XPR1: variants seen among roughly 807,000 people sequenced by gnomAD.
The protein encoded by XPR1 is solute carrier family 53 member 1.
XPR1 carries 28 observed loss-of-function variants against 87.5 expected under a neutral mutation model. The ratio of observed to expected loss-of-function variants is 0.32; its 90% CI spans 0.24 to 0.44. The LOEUF (loss-of-function observed/expected upper bound fraction) is 0.44, where lower values mean the gene tolerates loss of function less well. Among genes scored for constraint, XPR1 ranks in the 20% least tolerant of loss-of-function variants. XPR1 has a pLI of 1.00. For synonymous variants in XPR1, 300 were observed against 306.1 expected (o/e 0.98, Z 0.21); for missense variants, 559 against 862.3 (o/e 0.65, Z 4.41).
Position 180,832,172 on chromosome 1 carries a change from G to A in XPR1, c.1135-2702G>A, listed in dbSNP as rs149259023. On this transcript the variant is annotated intron_variant, in intron 9 of 14. Coordinates refer to ENST00000367590, the MANE Select transcript of XPR1 (RefSeq NM_004736.4). ...TAATGATGAGCATTCTTTCATAAGT[G>A]TGTTGGCTGCATAAATGTCTTCTTT... Among the ~76,000 whole-genome samples the A allele has an allele frequency of 5.8e-3, 888 of 152,268 alleles. 11 individuals carry two copies. Among genetic ancestry groups the A allele is most frequent in the African/African-American group, 0.02 (839 of 41,554 alleles).
At chr1:180,727,989 A>G (rs1371756603) in intron 2 of XPR1, among the ~76,000 whole-genome samples, 1 of 151,902 alleles carries the variant, frequency 6.6e-6, no homozygotes, top group Non-Finnish European at 1.5e-5. Context: ...TCTTGTGTCA[A>G]CCTCCTATCT....
chr1:180,655,841 A>G (rs770773973), intron 1 of XPR1, among the ~76,000 whole-genome samples: 1 of 151,904 alleles, frequency 6.6e-6, no homozygotes, highest in Non-Finnish European at 1.5e-5. Context: ...GTGGATGCAT[A>G]GTAGGTGTAT....
intron 2 of XPR1, among the ~76,000 whole-genome samples, chr1:180,697,313 A>G (rs1329114853): frequency 6.6e-6 from 1 of 152,032 alleles, no homozygotes; most frequent in Non-Finnish European, 1.5e-5. Flanking sequence ...GATCAGTTAT[A>G]GTGTCTCCTT....
rs574824718 is a variant in XPR1, at chr1:180,643,959, C to T, written c.69+11689C>T. On this transcript the variant is annotated intron_variant, in intron 1 of 14. Transcript: ENST00000367590. ...TTTACTCTGATGAATTCGGTGTGGC[C>T]CAGGTTCTCATCAGAATTTGGTCTT... Among the ~76,000 whole-genome samples, 19 of 151,994 alleles carry T rather than the reference C, an allele frequency of 1.3e-4. 1 individual carries two copies. Among genetic ancestry groups the T allele is most frequent in the Middle Eastern group, 3.4e-3 (1 of 294 alleles).
At chr1:180,811,663 G>A (rs565857374) in intron 7 of XPR1, among the ~76,000 whole-genome samples, 175 bp downstream of exon 7, 7 of 152,028 alleles carry the variant, frequency 4.6e-5, no homozygotes, top group Middle Eastern at 3.4e-3. Context: ...TTTTGTTGGC[G>A]TTTTTTCCCC....
chr1:180,775,256 G>A (rs1326364371), intron 2 of XPR1, among the ~76,000 whole-genome samples: 1 of 151,988 alleles, frequency 6.6e-6, no homozygotes, highest in Non-Finnish European at 1.5e-5. Context: ...GACTCTTATG[G>A]TTCATTGTTT....
In XPR1 at chr1:180,803,561, C is replaced by T. The variant is rs1649873220; in HGVS notation, c.397C>T (p.Leu133=). 6.2e-7 allele frequency: 1 copy of T among 1,613,322 alleles called. No homozygotes were observed. The highest frequency in any genetic ancestry group is 8.5e-7 in the Non-Finnish European group (1 of 1,179,968). ...VQHRNIKDLK[L]AFSEFYLSLI... ...ACATAGAAATATTAAAGACCTTAAA[C>T]TGGCCTTCAGTGAGTTCTACCTCAG... The change falls in exon 4 of 15, where the codon CTG becomes TTG. Residue 133 remains leucine (L), a synonymous_variant. Transcript: ENST00000367590.
chr1:180,858,515 G>GAGAA (rs1199818101), intron 11 of XPR1, among the ~76,000 whole-genome samples: 1 of 152,186 alleles, frequency 6.6e-6, no homozygotes, highest in Non-Finnish European at 1.5e-5. Flanking sequence ...GATGGACTTA[G>GAGAA]AGAAGCAATG....
chr1:180,842,634 C>G (rs1477925198), intron 11 of XPR1, among the ~76,000 whole-genome samples: 2 of 152,078 alleles, frequency 1.3e-5, no homozygotes, highest in African/African-American at 4.8e-5. Flanking sequence ...GGAGGAGGCA[C>G]AAACGTGTTT....
intron 2 of XPR1, among the ~76,000 whole-genome samples, chr1:180,753,052 T>A (rs1647592341): frequency 6.6e-6 from 1 of 152,220 alleles, no homozygotes; most frequent in South Asian, 2.1e-4. Flanking sequence ...AACATTGTGT[T>A]GGCAGCATGA....
rs896910660 is a variant in XPR1 at position 180,658,367 on chromosome 1, G to A, written c.70-23993G>A. Among the ~76,000 whole-genome samples the A allele has an allele frequency of 4.6e-5, 7 of 152,278 alleles. No individual in the cohort carries two copies. The East Asian group carries it at 1.2e-3, about 25-fold the overall frequency. ...AAGTGGGCATCCTCATCATGTTTCA[G>A]ATCTTAGAGGAAAGGCTTTCAGTTT... On this transcript the variant is annotated intron_variant, in intron 1 of 14. Coordinates refer to ENST00000367590, the MANE Select transcript of XPR1 (RefSeq NM_004736.4).
At chr1:180,820,690 G>A (rs892308766) in intron 7 of XPR1, among the ~76,000 whole-genome samples, 3 of 152,100 alleles carry the variant, frequency 2.0e-5, no homozygotes, top group African/African-American at 7.2e-5. Flanking sequence ...CAGTTTATGA[G>A]GATTCTGTTT....
chr1:180,813,222 C>T (rs1017015435), intron 7 of XPR1, among the ~76,000 whole-genome samples: 1 of 152,090 alleles, frequency 6.6e-6, no homozygotes, highest in African/African-American at 2.4e-5. Flanking sequence ...ACTTTGTTTC[C>T]GACCACACTT....
At chr1:180,661,734 G>A (rs187317988) in intron 1 of XPR1, among the ~76,000 whole-genome samples, 7 of 152,160 alleles carry the variant, frequency 4.6e-5, no homozygotes, top group Admixed American at 3.3e-4. Flanking sequence ...AATTAGCTGG[G>A]CATGGTGGCA....
intron 6 of XPR1, among the ~76,000 whole-genome samples, chr1:180,806,946 A>G (rs934133802): frequency 1.3e-5 from 2 of 152,216 alleles, no homozygotes; most frequent in African/African-American, 4.8e-5. Context: ...TTATTAAGTG[A>G]TATCTTCTGT....
chr1:180,661,586 C>T (rs930422846), intron 1 of XPR1, among the ~76,000 whole-genome samples: 1 of 151,450 alleles, frequency 6.6e-6, no homozygotes, highest in African/African-American at 2.4e-5. Context: ...TTATTTTAAA[C>T]TGACTGGGTG....
At chr1:180,663,149 T>C (rs1655834921) in intron 1 of XPR1, among the ~76,000 whole-genome samples, 1 of 152,244 alleles carries the variant, frequency 6.6e-6, no homozygotes, top group Non-Finnish European at 1.5e-5. Context: ...TTAGTTCCTT[T>C]GGTGAGGTCA....
chr1:180,875,040 CT>C (rs1276332225), intron 13 of XPR1, among the ~76,000 whole-genome samples: 1 of 152,136 alleles, frequency 6.6e-6, no homozygotes, highest in Non-Finnish European at 1.5e-5. Flanking sequence ...AATACATATT[CT>C]TTTAAATACA....
At chr1:180,722,913 ATT>A (rs1658221998) in intron 2 of XPR1, among the ~76,000 whole-genome samples, 1 of 152,184 alleles carries the variant, frequency 6.6e-6, no homozygotes, top group Non-Finnish European at 1.5e-5. Context: ...ACTTTTTGTA[ATT>A]AAAAGAGCAA....
Sources: gnomAD v4.1 joint callset for allele counts (sites outside exome capture counted in the v4.1 genomes callset) on GRCh38, gnomAD v4.1.1 for gene constraint, MANE v1.5 for transcripts, NCBI Gene and HGNC (gene_info 2026-07-23, HGNC 2026-07-21) for gene names.